Variants in CA10 observed in about 807,000 individuals in gnomAD.
CA10 encodes carbonic anhydrase-related protein 10.
In CA10, 14 loss-of-function variants were observed where a neutral mutation model predicts 44.2. The ratio of observed to expected loss-of-function variants is 0.32; its 90% CI spans 0.21 to 0.50. The LOEUF (loss-of-function observed/expected upper bound fraction) is 0.50. CA10 is among the 20% of genes least tolerant of loss of function. The pLI, the probability that CA10 is intolerant of heterozygous loss-of-function variation, is 0.99. For synonymous variants in CA10, 159 were observed against 141.6 expected (o/e 1.12, Z -0.87); for missense variants, 350 against 409.7 (o/e 0.85, Z 1.26).
rs77705212 is a variant in CA10, at chr17:52,020,291, C to T, written c.136+52028G>A. ...GAAGCTTCAAATCCAATGATACCCT[C>T]TCCATATTTTATATCATTGTTTTGG... is the stretch of plus-strand genomic sequence containing the variant. On this transcript the variant is annotated intron_variant, in intron 2 of 8. Coordinates refer to ENST00000451037, the MANE Select transcript of CA10 (RefSeq NM_020178.5). Among the ~76,000 whole-genome samples the T allele has an allele frequency of 6.7e-3, 1,022 of 152,072 alleles. 4 individuals are homozygous for T. The highest frequency in any genetic ancestry group is 0.011 in the Non-Finnish European group (740 of 67,904).
intron 1 of CA10, among the ~76,000 whole-genome samples, chr17:52,139,722 T>C (rs1598235766): frequency 6.6e-6 from 1 of 152,174 alleles, no homozygotes; most frequent in Admixed American, 6.5e-5. Flanking sequence ...AATCTTAGCT[T>C]ACATCTTAAC....
chr17:51,734,788 A>G (rs946570113), intron 4 of CA10, among the ~76,000 whole-genome samples: 2 of 152,148 alleles, frequency 1.3e-5, no homozygotes, highest in Non-Finnish European at 2.9e-5. Flanking sequence ...GTCTTAGTCC[A>G]TTCATCAGAA....
Position 52,042,439 on chromosome 17 carries a change from G to A in CA10, c.136+29880C>T, listed in dbSNP as rs576041001. Reference sequence around the variant, plus strand: ...ATCATTTGCACAATTTTAAATTAGGGGTTTTTTTGTTTGGGTTGGTTGCTA... The same window carrying A: ...ATCATTTGCACAATTTTAAATTAGGAGTTTTTTTGTTTGGGTTGGTTGCTA... On this transcript the variant is annotated intron_variant, in intron 2 of 8. Coordinates refer to ENST00000451037, the MANE Select transcript of CA10 (RefSeq NM_020178.5). 1.3e-3 allele frequency among the ~76,000 whole-genome samples: 195 copies of A among 151,504 alleles called. 1 individual carries two copies. Among genetic ancestry groups the A allele is most frequent in the Middle Eastern group, 3.4e-3 (1 of 292 alleles).
At chr17:51,844,386 C>T (rs1978401449) in intron 3 of CA10, among the ~76,000 whole-genome samples, 1 of 152,088 alleles carries the variant, frequency 6.6e-6, no homozygotes, top group Non-Finnish European at 1.5e-5. Context: ...ATTTATCCTT[C>T]AAGAATTAGT....
chr17:52,088,347 C>T (rs1372811318), intron 1 of CA10, among the ~76,000 whole-genome samples: 2 of 152,160 alleles, frequency 1.3e-5, no homozygotes, highest in African/African-American at 4.8e-5. Context: ...TTTTAAATAT[C>T]ACATGCAGTC....
chr17:51,802,569 A>G (rs1906975053), intron 3 of CA10, among the ~76,000 whole-genome samples: 2 of 79,052 alleles, frequency 2.5e-5, no homozygotes, highest in Non-Finnish European at 3.4e-5. Flanking sequence ...ATGTCTGAAA[A>G]AAAAAAAAAA....
intron 2 of CA10, among the ~76,000 whole-genome samples, chr17:52,002,083 C>A (rs776734511): frequency 6.6e-6 from 1 of 151,880 alleles, no homozygotes; most frequent in Non-Finnish European, 1.5e-5. Flanking sequence ...AAAGAGCCCA[C>A]ACATATTAAA....
chr17:51,766,228 T>C (rs1004556729), intron 3 of CA10, among the ~76,000 whole-genome samples: 3 of 152,150 alleles, frequency 2.0e-5, no homozygotes, highest in Non-Finnish European at 4.4e-5. Flanking sequence ...CTTGCTGGAA[T>C]TGCTTGATTC....
At chr17:51,640,877 T>A (rs956168063) in intron 6 of CA10, among the ~76,000 whole-genome samples, 6 of 152,150 alleles carry the variant, frequency 3.9e-5, no homozygotes, top group Non-Finnish European at 8.8e-5. Context: ...TGAGGACCAA[T>A]ATACCAGAAG....
intron 1 of CA10, among the ~76,000 whole-genome samples, chr17:52,152,047 T>C (rs1989713020): frequency 6.6e-6 from 1 of 152,090 alleles, no homozygotes; most frequent in Non-Finnish European, 1.5e-5. Context: ...TGAGAGGTAA[T>C]TATCATCTCT....
chr17:51,836,768 T>A (rs1908492271), intron 3 of CA10, among the ~76,000 whole-genome samples: 1 of 151,994 alleles, frequency 6.6e-6, no homozygotes, highest in African/African-American at 2.4e-5. Context: ...TATAAAACTG[T>A]GATGGCACAA....
At chr17:51,698,790 T>C (rs1193625901) in intron 4 of CA10, among the ~76,000 whole-genome samples, 1 of 152,232 alleles carries the variant, frequency 6.6e-6, no homozygotes, top group Non-Finnish European at 1.5e-5. Context: ...AGATTCCATA[T>C]ATAAGACATC....
chr17:51,756,604 G>C (rs1482043054), intron 3 of CA10, among the ~76,000 whole-genome samples: 1 of 151,770 alleles, frequency 6.6e-6, no homozygotes, highest in Non-Finnish European at 1.5e-5. Context: ...GGAGTAGCTG[G>C]GACTACAGGC....
intron 3 of CA10, among the ~76,000 whole-genome samples, chr17:51,789,017 T>C (rs1164663781): frequency 1.3e-5 from 2 of 152,206 alleles, no homozygotes; most frequent in Non-Finnish European, 2.9e-5. Flanking sequence ...GTTTTCTTTC[T>C]TTCTTTTTTT....
intron 3 of CA10, among the ~76,000 whole-genome samples, chr17:51,771,502 C>T (rs557643235): frequency 6.6e-6 from 1 of 152,112 alleles, no homozygotes; most frequent in Non-Finnish European, 1.5e-5. Context: ...CATGCCACAC[C>T]CAGCATTGCC....
chr17:51,687,825 T>C (rs1439710971), intron 4 of CA10, among the ~76,000 whole-genome samples: 1 of 152,192 alleles, frequency 6.6e-6, no homozygotes, highest in Non-Finnish European at 1.5e-5. Context: ...GATAACCCAA[T>C]AAAGTTTCTA....
rs540461547 is a variant in CA10, at chr17:51,705,962, A to G, written c.465+41671T>C. ...AGCCCTAGAGGAAAAAGAACAATCC[A>G]TAATTGTTCCTGAGTGTGGTTAAAA... is the stretch of plus-strand genomic sequence containing the variant. On this transcript the variant is annotated intron_variant, in intron 4 of 8. Transcript: ENST00000451037. Among the ~76,000 whole-genome samples the G allele has an allele frequency of 2.6e-5, 4 of 152,316 alleles. No individual in the cohort carries two copies. The East Asian group carries it at 7.7e-4, about 29-fold the overall frequency.
At chr17:52,119,481 A>G (rs893125009) in intron 1 of CA10, among the ~76,000 whole-genome samples, 1 of 152,176 alleles carries the variant, frequency 6.6e-6, no homozygotes, top group Non-Finnish European at 1.5e-5. Context: ...TAAGTAAAGA[A>G]TGTTGCTTTC....
chr17:51,905,797 C>T (rs942339022), intron 3 of CA10, among the ~76,000 whole-genome samples: 2 of 152,084 alleles, frequency 1.3e-5, no homozygotes, highest in African/African-American at 4.8e-5. Context: ...TATCTGCCTT[C>T]CCCATCACCC....
Sources: gnomAD v4.1 joint callset for allele counts (sites outside exome capture counted in the v4.1 genomes callset) on GRCh38, gnomAD v4.1.1 for gene constraint, MANE v1.5 for transcripts, NCBI Gene and HGNC (gene_info 2026-07-23, HGNC 2026-07-21) for gene names.